Variants in AMPH observed in about 807,000 individuals in gnomAD.
The protein encoded by AMPH is amphiphysin.
Under a neutral mutation model 99.1 loss-of-function variants are expected in AMPH, and 49 were observed. The ratio of observed to expected loss-of-function variants is 0.49; its 90% CI spans 0.39 to 0.63. The LOEUF (loss-of-function observed/expected upper bound fraction) is 0.63, where lower values mean the gene tolerates loss of function less well. Among genes scored for constraint, AMPH ranks in the 20% least tolerant of loss-of-function variants. The pLI is 0.00. For synonymous variants in AMPH, 314 were observed against 317.3 expected (o/e 0.99, Z 0.11); for missense variants, 759 against 863.4 (o/e 0.88, Z 1.52).
chr7:38,465,759 T>C (rs375995229), intron 8 of AMPH, among the ~76,000 whole-genome samples: 1 of 152,074 alleles, frequency 6.6e-6, no homozygotes, highest in African/African-American at 2.4e-5. Context: ...ACTAAATATA[T>C]ATGTATATAT....
intron 1 of AMPH, among the ~76,000 whole-genome samples, chr7:38,551,064 C>T (rs968573049): frequency 6.6e-6 from 1 of 152,282 alleles, no homozygotes; most frequent in African/African-American, 2.4e-5. Context: ...TGTGGATGAT[C>T]CTGCCCTTTC....
chr7:38,520,216 A>G (rs6976059), intron 2 of AMPH, among the ~76,000 whole-genome samples: 148,705 of 152,290 alleles, frequency 0.98, 72,623 homozygotes, highest in East Asian at 1. Context: ...ATCAAAAAAA[A>G]TGTATTCATC....
intron 11 of AMPH, among the ~76,000 whole-genome samples, chr7:38,452,734 C>T (rs993755648): frequency 5.3e-5 from 8 of 152,228 alleles, no homozygotes; most frequent in African/African-American, 1.9e-4. Context: ...ATCCTGATAA[C>T]TTTAAACAGT....
At chr7:38,401,884 C>A (rs1486952668) in intron 17 of AMPH, among the ~76,000 whole-genome samples, 1 of 151,940 alleles carries the variant, frequency 6.6e-6, no homozygotes. Context: ...TTATACTGGC[C>A]ACTTCTGCTT....
At chr7:38,492,491 C>CT (rs1041277080) in intron 4 of AMPH, among the ~76,000 whole-genome samples, 11 of 152,190 alleles carry the variant, frequency 7.2e-5, no homozygotes, top group African/African-American at 2.4e-4. Context: ...CACACACACA[C>CT]TTTTAAAATT....
rs749633256 is a variant in AMPH, at chr7:38,392,028, A to G, written c.1609-11T>C. On this transcript the variant is annotated splice_polypyrimidine_tract_variant and intron_variant, in intron 18 of 20. Transcript: ENST00000356264. ...AGGAATGACCTTCTCCTGGGGGAAG[A>G]AAAACCGTGGCGATGCCCGGCAGGG... is the stretch of plus-strand genomic sequence containing the variant. 1.9e-6 allele frequency: 3 copies of G among 1,602,210 alleles called. No homozygotes were observed. Among genetic ancestry groups the G allele is most frequent in the Middle Eastern group, 2.1e-4 (1 of 4,686 alleles).
intron 3 of AMPH, among the ~76,000 whole-genome samples, chr7:38,501,618 C>T (rs1789139173): frequency 1.3e-5 from 2 of 152,050 alleles, no homozygotes; most frequent in South Asian, 2.1e-4. Flanking sequence ...ATCAATTTTG[C>T]TAATTTTTAT....
At chr7:38,537,058 T>A (rs1046155622) in intron 1 of AMPH, among the ~76,000 whole-genome samples, 3 of 152,174 alleles carry the variant, frequency 2.0e-5, no homozygotes, top group African/African-American at 7.2e-5. Flanking sequence ...TTCATTAACA[T>A]AAATACGCAA....
chr7:38,421,988 T>C (rs942217451), intron 16 of AMPH, among the ~76,000 whole-genome samples: 7 of 152,226 alleles, frequency 4.6e-5, no homozygotes, highest in Non-Finnish European at 5.9e-5. Context: ...ACAACTCTAC[T>C]ATGCATTACT....
At chr7:38,526,237 C>G (rs1325381544) in intron 2 of AMPH, among the ~76,000 whole-genome samples, 1 of 150,866 alleles carries the variant, frequency 6.6e-6, no homozygotes, top group Non-Finnish European at 1.5e-5. Context: ...ATCCACATAT[C>G]TACTGCAATA....
At chr7:38,591,708 C>T (rs554260872) in intron 1 of AMPH, among the ~76,000 whole-genome samples, 7 of 152,302 alleles carry the variant, frequency 4.6e-5, no homozygotes, top group Admixed American at 4.6e-4. Context: ...AAACACATAA[C>T]CAAACTGCGG....
At position 38,426,976 on chromosome 7, in the gene AMPH, C is replaced by A. The variant is rs371065137; in HGVS notation, c.1193G>T (p.Gly398Val). The A allele has an allele frequency of 3.0e-5, 49 of 1,612,726 alleles. No individual in the cohort carries two copies. Among genetic ancestry groups the A allele is most frequent in the Non-Finnish European group, 3.6e-5 (42 of 1,179,174 alleles). Residue 398 changes from glycine (G) to valine (V), a missense_variant, in exon 15 of 21, where the codon GGT becomes GTT. This residue lies in a region of AMPH where 554 missense variants were observed against 575.6 expected (regional missense o/e 0.96). Transcript: ENST00000356264. Reference protein sequence around the residue: ...STDLVQPASGGSFNGFTQPQD... With the variant: ...STDLVQPASGVSFNGFTQPQD... ...TACCTGTGTGAATCCATTAAATGAA[C>A]CACCAGAAGCCTAAACAGAAACGAA...
rs149438664 is a variant in AMPH at position 38,552,381 on chromosome 7, G to T, written c.70-17370C>A. Among the ~76,000 whole-genome samples the T allele has an allele frequency of 3.5e-4, 54 of 152,296 alleles. 1 individual carries two copies. The East Asian group carries it at 0.01, about 29-fold the overall frequency. On this transcript the variant is annotated intron_variant, in intron 1 of 20. Coordinates refer to ENST00000356264, the MANE Select transcript of AMPH (RefSeq NM_001635.4). ...ATGAGCACCAGAACTGCTCTCATTT[G>T]CCAGATATGGGCAAATCCCTATGCA...
At chr7:38,538,548 G>A (rs746247637) in intron 1 of AMPH, among the ~76,000 whole-genome samples, 1 of 152,342 alleles carries the variant, frequency 6.6e-6, no homozygotes, top group Non-Finnish European at 1.5e-5. Flanking sequence ...AGCCAATGAA[G>A]TGTTTCTCTG....
intron 17 of AMPH, among the ~76,000 whole-genome samples, chr7:38,415,912 C>T (rs1030151280): frequency 6.6e-6 from 1 of 151,536 alleles, no homozygotes; most frequent in South Asian, 2.1e-4. Flanking sequence ...TACAAGGAAT[C>T]AAAATTTTTG....
At chr7:38,512,401 A>G (rs1789574423) in intron 2 of AMPH, among the ~76,000 whole-genome samples, 1 of 152,202 alleles carries the variant, frequency 6.6e-6, no homozygotes, top group Non-Finnish European at 1.5e-5. Flanking sequence ...TCTGCATCCC[A>G]TTACCAGAAT....
At chr7:38,414,673 T>C (rs1237652070) in intron 17 of AMPH, among the ~76,000 whole-genome samples, 1 of 152,168 alleles carries the variant, frequency 6.6e-6, no homozygotes. Flanking sequence ...TATTGAATTT[T>C]TTTTTTTTTG....
chr7:38,447,555 TG>T (rs1269876040), intron 11 of AMPH, among the ~76,000 whole-genome samples: 6 of 152,156 alleles, frequency 3.9e-5, no homozygotes, highest in African/African-American at 1.4e-4. Flanking sequence ...GTGATGCATC[TG>T]TAGGTAGTTT....
At chr7:38,567,202 T>C (rs1003691061) in intron 1 of AMPH, among the ~76,000 whole-genome samples, 7 of 152,170 alleles carry the variant, frequency 4.6e-5, no homozygotes, top group African/African-American at 1.7e-4. Flanking sequence ...TGGAATACTA[T>C]GCAGCCATAA....
Sources: allele counts gnomAD v4.1 joint callset (sites outside exome capture counted in the v4.1 genomes callset), GRCh38; gene constraint gnomAD v4.1.1; regional missense constraint gnomAD v4.1.1; transcripts MANE v1.5; gene names NCBI Gene and HGNC (gene_info 2026-07-23, HGNC 2026-07-21).